Variants in EFNA5 observed in about 807,000 individuals in gnomAD.
EFNA5 encodes the protein ephrin A5.
Under a neutral mutation model 22.9 loss-of-function variants are expected in EFNA5, and 5 were observed. That is an observed-to-expected ratio of 0.22 (90% CI 0.11 to 0.46). EFNA5 has a LOEUF of 0.46. EFNA5 is among the 20% of genes least tolerant of loss of function. The probability of loss-of-function intolerance (pLI) is 0.99; values close to 1 mark genes in which losing one functional copy is unlikely to be tolerated. For synonymous variants in EFNA5, 113 were observed against 112.2 expected (o/e 1.01, Z -0.04); for missense variants, 237 against 293.3 (o/e 0.81, Z 1.40).
intron 2 of EFNA5, among the ~76,000 whole-genome samples, chr5:107,421,584 T>C (rs879682917): frequency 3.9e-5 from 6 of 152,146 alleles, no homozygotes; most frequent in Admixed American, 1.3e-4. Context: ...AAAGTATCCT[T>C]TGGAGAGGAA....
At chr5:107,429,366 A>G (rs1480134281) in intron 1 of EFNA5, among the ~76,000 whole-genome samples, 1 of 152,222 alleles carries the variant, frequency 6.6e-6, no homozygotes, top group East Asian at 1.9e-4. Context: ...GAATGGCACG[A>G]ACCTGGAAGG....
chr5:107,450,321 TC>T (rs1749526154), intron 1 of EFNA5, among the ~76,000 whole-genome samples: 1 of 152,206 alleles, frequency 6.6e-6, no homozygotes, highest in South Asian at 2.1e-4. Flanking sequence ...AATCTTCACT[TC>T]CTTGAAAACT....
intron 1 of EFNA5, among the ~76,000 whole-genome samples, chr5:107,581,193 C>A (rs1343901631): frequency 1.3e-5 from 2 of 152,156 alleles, no homozygotes; most frequent in African/African-American, 4.8e-5. Flanking sequence ...TTAATAACTT[C>A]CAGAAACATC....
intron 1 of EFNA5, among the ~76,000 whole-genome samples, chr5:107,597,503 C>T (rs1189232953): frequency 6.6e-6 from 1 of 152,042 alleles, no homozygotes; most frequent in African/African-American, 2.4e-5. Flanking sequence ...AGCTGAAGAA[C>T]GTCTTGAAAC....
intron 1 of EFNA5, among the ~76,000 whole-genome samples, chr5:107,649,496 A>ATG (rs950634836): frequency 3.3e-5 from 5 of 152,186 alleles, no homozygotes; most frequent in African/African-American, 1.2e-4. Flanking sequence ...AATGAATAAT[A>ATG]TGTAGATTTC....
At chr5:107,579,543 GA>G (rs918009379) in intron 1 of EFNA5, among the ~76,000 whole-genome samples, 6 of 138,862 alleles carry the variant, frequency 4.3e-5, no homozygotes, top group East Asian at 2.2e-4. Context: ...AAAGAAAAAA[GA>G]AAAAAAAAAG....
intron 1 of EFNA5, among the ~76,000 whole-genome samples, chr5:107,500,299 G>C (rs555625581): frequency 6.6e-6 from 1 of 152,290 alleles, no homozygotes; most frequent in Non-Finnish European, 1.5e-5. Flanking sequence ...CACGAAGGCT[G>C]ATCTTTTACG....
intron 4 of EFNA5, among the ~76,000 whole-genome samples, chr5:107,386,925 T>A (rs1205109291): frequency 6.6e-6 from 1 of 152,208 alleles, no homozygotes; most frequent in Non-Finnish European, 1.5e-5. Context: ...TCACAGTGAT[T>A]CACCAGCATG....
At chr5:107,521,707 GA>G (rs901858684) in intron 1 of EFNA5, among the ~76,000 whole-genome samples, 1 of 152,022 alleles carries the variant, frequency 6.6e-6, no homozygotes, top group African/African-American at 2.4e-5. Context: ...GCCAGCCTGG[GA>G]AAAGATCAAA....
intron 2 of EFNA5, among the ~76,000 whole-genome samples, chr5:107,411,022 T>C (rs936988629): frequency 1.3e-5 from 2 of 152,202 alleles, no homozygotes; most frequent in East Asian, 3.8e-4. Context: ...AGATAAATCT[T>C]AACTGAAAAA....
intron 1 of EFNA5, among the ~76,000 whole-genome samples, chr5:107,656,949 CCAAA>C (rs1284503747): frequency 2.6e-5 from 4 of 151,918 alleles, no homozygotes; most frequent in East Asian, 1.9e-4. Flanking sequence ...TATCCAACAC[CCAAA>C]CAAATTTAAA....
intron 2 of EFNA5, among the ~76,000 whole-genome samples, chr5:107,405,442 T>G (rs994507043): frequency 6.6e-6 from 1 of 152,214 alleles, no homozygotes; most frequent in Admixed American, 6.5e-5. Flanking sequence ...GATTCACTCA[T>G]TTTTACCTTA....
chr5:107,430,770 CTTTCTT>C (rs562824210), intron 1 of EFNA5, among the ~76,000 whole-genome samples: 1,935 of 104,504 alleles, frequency 0.019, 23 homozygotes, highest in African/African-American at 0.053. Context: ...TTATTTCTTT[CTTTCTT>C]TTTTTTTTTT....
chr5:107,538,127 T>C (rs1404108564), intron 1 of EFNA5, among the ~76,000 whole-genome samples: 1 of 152,178 alleles, frequency 6.6e-6, no homozygotes. Context: ...ATAGTCAGTC[T>C]GGAAATGTCA....
intron 1 of EFNA5, among the ~76,000 whole-genome samples, chr5:107,633,179 C>G (rs1000693797): frequency 6.6e-6 from 1 of 152,104 alleles, no homozygotes; most frequent in African/African-American, 2.4e-5. Context: ...ATCCTTAATA[C>G]CAATGGGGTC....
At chr5:107,421,788 C>A (rs1748674910) in intron 2 of EFNA5, among the ~76,000 whole-genome samples, 1 of 140,420 alleles carries the variant, frequency 7.1e-6, no homozygotes, top group Non-Finnish European at 1.6e-5. Context: ...CTCCTCATTT[C>A]TTTCTTTCTT....
intron 1 of EFNA5, among the ~76,000 whole-genome samples, chr5:107,429,544 G>C (rs1429555727): frequency 6.6e-6 from 1 of 152,322 alleles, no homozygotes; most frequent in Non-Finnish European, 1.5e-5. Context: ...TTGTGAAAAA[G>C]TAGAGACACC....
chr5:107,404,323 C>T (rs1402889808), intron 2 of EFNA5, among the ~76,000 whole-genome samples: 1 of 152,148 alleles, frequency 6.6e-6, no homozygotes, highest in Non-Finnish European at 1.5e-5. Context: ...ATTCTTTTCA[C>T]TCCAATTACT....
chr5:107,453,559 C>A (rs998137134), intron 1 of EFNA5, among the ~76,000 whole-genome samples: 5 of 152,124 alleles, frequency 3.3e-5, no homozygotes, highest in Admixed American at 2.6e-4. Flanking sequence ...CAAATAGAAA[C>A]CTATTTATAG....
Sources: allele counts gnomAD v4.1 joint callset (sites outside exome capture counted in the v4.1 genomes callset), GRCh38; gene constraint gnomAD v4.1.1; transcripts MANE v1.5; gene names NCBI Gene and HGNC (gene_info 2026-07-23, HGNC 2026-07-21).